The following TEK variants were observed in gnomAD, a reference collection of about 807,000 sequenced individuals.
TEK encodes the protein angiopoietin-1 receptor.
In TEK, 43 loss-of-function variants were observed where a neutral mutation model predicts 131.8. The ratio of observed to expected loss-of-function variants is 0.33; its 90% confidence interval spans 0.26 to 0.42. The LOEUF is 0.42. Among genes scored for constraint, TEK ranks in the 10% least tolerant of loss-of-function variants. The pLI is 1.00. For synonymous variants in TEK, 580 were observed against 491.6 expected, an observed-to-expected ratio of 1.18 and a Z score of -2.38; for missense variants, 1,162 against 1,384.4, an observed-to-expected ratio of 0.84 and a Z score of 2.55.
At chr9:27,155,837 G>A (rs888075863) in intron 1 of TEK, among the ~76,000 whole-genome samples, 2 of 144,910 alleles carry the variant, frequency 1.4e-5, no homozygotes, top group African/African-American at 5.1e-5. Flanking sequence ...TTTTTTTTGA[G>A]ACAGAATTTT....
At chr9:27,134,117 G>C (rs1465968791) in intron 1 of TEK, among the ~76,000 whole-genome samples, 1 of 152,200 alleles carries the variant, frequency 6.6e-6, no homozygotes, top group Admixed American at 6.5e-5. Context: ...TTGAGTGACA[G>C]GCTGTTCTAG....
chr9:27,200,360 C>T (rs7039849), intron 12 of TEK, among the ~76,000 whole-genome samples: 41,852 of 152,050 alleles, frequency 0.28, 5,930 homozygotes, highest in Admixed American at 0.35. Flanking sequence ...ATGATACACT[C>T]TCAAAATCAC....
chr9:27,223,346 C>A (rs1354980468), intron 21 of TEK, among the ~76,000 whole-genome samples: 1 of 151,946 alleles, frequency 6.6e-6, no homozygotes, highest in Non-Finnish European at 1.5e-5. Context: ...CCTCATCACA[C>A]TTAAAGCTGA....
intron 1 of TEK, among the ~76,000 whole-genome samples, chr9:27,155,637 G>A (rs1253205606): frequency 1.3e-5 from 2 of 152,170 alleles, no homozygotes; most frequent in African/African-American, 2.4e-5. Flanking sequence ...ATAAGTAGGT[G>A]CTCAAAAATT....
chr9:27,121,565 A>G (rs184456811), intron 1 of TEK, among the ~76,000 whole-genome samples: 4 of 151,226 alleles, frequency 2.6e-5, no homozygotes, highest in Admixed American at 2.6e-4. Context: ...CAATATGCAA[A>G]ATTATTTACA....
Position 27,204,929 on chromosome 9 carries a change from G to C in TEK, c.2228G>C (p.Gly743Ala), listed in dbSNP as rs202131936. The change falls in exon 14 of 23, where the codon GGG becomes GCG. Residue 743 changes from glycine to alanine, a missense_variant. Coordinates refer to ENST00000380036, the MANE Select transcript of TEK (RefSeq NM_000459.5). ...TGCACAGCACCAGCGGACCTCGGAG[G>C]GGGGAAGATGCTGCTTATAGCCATC... ...PESQAPADLG[G>A]GKMLLIAILG... The C allele has an allele frequency of 1.6e-4, 262 of 1,613,984 alleles. 2 individuals carry two copies. The highest frequency in any genetic ancestry group is 1.0e-3 in the South Asian group (91 of 91,076).
chr9:27,174,048 A>G (rs1824073304), intron 6 of TEK, among the ~76,000 whole-genome samples: 1 of 152,118 alleles, frequency 6.6e-6, no homozygotes. Flanking sequence ...TACTAACATC[A>G]TCTACTCAGA....
At chr9:27,127,564 C>T (rs1367794246) in intron 1 of TEK, among the ~76,000 whole-genome samples, 2 of 152,172 alleles carry the variant, frequency 1.3e-5, no homozygotes, top group Admixed American at 1.3e-4. Flanking sequence ...ATATTGTCTT[C>T]CACAATGGTT....
intron 5 of TEK, 133 bp from the exon 6 acceptor site, chr9:27,173,089 C>A: frequency 8.3e-7 from 1 of 1,207,906 alleles, no homozygotes; most frequent in Non-Finnish European, 1.2e-6. Flanking sequence ...AGGGTATGTT[C>A]ATCCTACCAT....
intron 6 of TEK, among the ~76,000 whole-genome samples, chr9:27,174,711 G>A (rs977289744): frequency 6.6e-6 from 1 of 152,088 alleles, no homozygotes; most frequent in Non-Finnish European, 1.5e-5. Context: ...CCCTCTAAAT[G>A]CTATGTCTGC....
intron 18 of TEK, among the ~76,000 whole-genome samples, chr9:27,214,776 T>C (rs918520094): frequency 7.9e-5 from 12 of 152,290 alleles, no homozygotes; most frequent in African/African-American, 2.9e-4. Flanking sequence ...CTGGGTCCCT[T>C]TGGCTCTTCG....
At chr9:27,191,560 T>TCA in intron 10 of TEK, among the ~76,000 whole-genome samples, 1 of 150,494 alleles carries the variant, frequency 6.6e-6, no homozygotes, top group Middle Eastern at 3.4e-3. Context: ...GACCCTCTAT[T>TCA]CACTATATGG....
chr9:27,227,686 ATC>A (rs1452052358), intron 21 of TEK, among the ~76,000 whole-genome samples: 3 of 152,096 alleles, frequency 2.0e-5, no homozygotes, highest in African/African-American at 7.2e-5. Flanking sequence ...TCATGACCTG[ATC>A]ACCTCCCAAA....
intron 18 of TEK, among the ~76,000 whole-genome samples, chr9:27,214,973 C>T (rs918490369): frequency 1.3e-5 from 2 of 152,166 alleles, no homozygotes; most frequent in Non-Finnish European, 2.9e-5. Context: ...CCTACTCCAG[C>T]TTTCCCAACT....
At position 27,183,450 on chromosome 9, in the gene TEK, T is replaced by C. The variant is rs370339471; in HGVS notation, c.1031-9T>C. On this transcript the variant is annotated splice_polypyrimidine_tract_variant and intron_variant, in intron 7 of 22. Coordinates refer to ENST00000380036, the MANE Select transcript of TEK (RefSeq NM_000459.5). The stretch of plus-strand genomic sequence containing the variant: ...TATTAGATTTCACAGTGCTGTTTTC[T>C]TCCTTCAGGCATACAGAGGATGACC... 10 of 1,613,496 alleles carry C rather than the reference T, an allele frequency of 6.2e-6. No homozygotes were observed. The highest frequency in any genetic ancestry group is 2.7e-5 in the African/African-American group (2 of 74,902).
rs1826504581 is a variant in TEK, at chr9:27,230,071, A to G, written c.*839A>G. ...ATCCCTACATGTATTGCACATTGTA[A>G]AAAGTTTTAGTTTTGATGAGTTGTG... On this transcript the variant is annotated 3_prime_UTR_variant, in exon 23 of 23. Transcript: ENST00000380036. The G allele has an allele frequency of 6.6e-6, 1 of 152,182 alleles. No individual in the cohort carries two copies. The highest frequency in any genetic ancestry group is 6.5e-5 in the Admixed American group (1 of 15,276). The allele number at this position is 152,182 out of a possible 1,614,324, so 9.4% of individuals were successfully genotyped here.
rs73427115 is a variant in TEK at position 27,178,105 on chromosome 9, G to C, written c.902-2135G>C. Among the ~76,000 whole-genome samples the C allele has an allele frequency of 9.4e-3, 1,426 of 152,172 alleles. 16 individuals are homozygous for C. The highest frequency in any genetic ancestry group is 0.031 in the African/African-American group (1,285 of 41,512). ...GTAGTTTTACAATTTCAGGTCTTAT[G>C]TTGTGTCTTTAGTCAATTTTGTTTT... On this transcript the variant is annotated intron_variant, in intron 6 of 22. Coordinates refer to ENST00000380036, the MANE Select transcript of TEK (RefSeq NM_000459.5).
intron 1 of TEK, among the ~76,000 whole-genome samples, chr9:27,156,665 C>A (rs1188168901): frequency 2.0e-5 from 3 of 152,170 alleles, no homozygotes; most frequent in Admixed American, 6.5e-5. Context: ...GCTGCTCAAT[C>A]TTTTGAGCCT....
chr9:27,139,625 A>T (rs1822645240), intron 1 of TEK, among the ~76,000 whole-genome samples: 1 of 151,960 alleles, frequency 6.6e-6, no homozygotes, highest in African/African-American at 2.4e-5. Flanking sequence ...TGCCTGGCTG[A>T]CAGCTTTATG....
Sources: gnomAD v4.1 joint callset for allele counts (sites outside exome capture counted in the v4.1 genomes callset) on GRCh38, gnomAD v4.1.1 for gene constraint, MANE v1.5 for transcripts, NCBI Gene and HGNC (gene_info 2026-07-23, HGNC 2026-07-21) for gene names.